BMP1: variants seen among roughly 807,000 people sequenced by gnomAD.
BMP1 encodes bone morphogenetic protein 1.
A neutral mutation model predicts 116.8 loss-of-function variants in BMP1; 63 were observed. That is an observed-to-expected ratio of 0.54 (90% CI 0.44 to 0.67). The LOEUF is 0.67. Among genes scored for constraint, BMP1 ranks in the 30% least tolerant of loss-of-function variants. The pLI, the probability that BMP1 is intolerant of heterozygous loss-of-function variation, is 0.00. For missense variants in BMP1, 1,183 were observed against 1,358.9 expected, an observed-to-expected ratio of 0.87 and a Z score of 2.04; for synonymous variants, 536 against 533.4, an observed-to-expected ratio of 1.00 and a Z score of -0.07.
rs554567171 is a variant in BMP1, at chr8:22,204,994, C to T, written c.2234-1860C>T. ...CATTTGTGGTGTGAGGGTTCCCACG[C>T]GTGGGCAGCAATGAGCTGCACCTCC... On this transcript the variant is annotated intron_variant, in intron 16 of 19. Transcript: ENST00000306385. Among the ~76,000 whole-genome samples, 26 of 152,218 alleles carry T rather than the reference C, an allele frequency of 1.7e-4. No individual in the cohort carries two copies. The East Asian group carries it at 2.9e-3, about 17-fold the overall frequency.
At chr8:22,176,000 G>A in intron 2 of BMP1, 143 bp from the exon 3 acceptor site, 3 of 843,496 alleles carry the variant, frequency 3.6e-6, no homozygotes, top group Non-Finnish European at 3.6e-6. Flanking sequence ...AGCCCTGAGA[G>A]TATTGATTTT....
At chr8:22,168,098 C>G (rs1828168787) in intron 1 of BMP1, among the ~76,000 whole-genome samples, 1 of 152,138 alleles carries the variant, frequency 6.6e-6, no homozygotes, top group South Asian at 2.1e-4. Flanking sequence ...TTCGTTGGAC[C>G]ATTACTGGCC....
At chr8:22,181,854 C>G (rs1160643810) in intron 8 of BMP1, among the ~76,000 whole-genome samples, 4 of 152,144 alleles carry the variant, frequency 2.6e-5, no homozygotes, top group Admixed American at 2.0e-4. Context: ...CGCATCTGGC[C>G]TGTAGCCAGC....
chr8:22,187,755 A>G (rs563650974), intron 8 of BMP1, among the ~76,000 whole-genome samples: 13 of 152,190 alleles, frequency 8.5e-5, no homozygotes, highest in Admixed American at 5.9e-4. Flanking sequence ...AATACCAAAA[A>G]ATCTTAAGCA....
intron 5 of BMP1, among the ~76,000 whole-genome samples, chr8:22,177,388 T>A (rs545940091): frequency 3.8e-4 from 58 of 152,368 alleles, no homozygotes; most frequent in Admixed American, 5.9e-4. Context: ...TGGACAGCGG[T>A]AGCCCGGGCA....
chr8:22,209,396 C>T (rs1307528883), intron 18 of BMP1, 49 bp from the exon 19 acceptor site: 1 of 1,598,254 alleles, frequency 6.3e-7, no homozygotes, highest in East Asian at 2.2e-5. Context: ...GCCATGGGGC[C>T]TGGCACCTGC....
At chr8:22,178,449 C>CT (rs982896427) in intron 6 of BMP1, among the ~76,000 whole-genome samples, 219 of 151,244 alleles carry the variant, frequency 1.4e-3, no homozygotes, top group African/African-American at 4.9e-3. Flanking sequence ...GCCACCGTGC[C>CT]TTTTTTTTTA....
chr8:22,205,562 T>A (rs7825892), intron 16 of BMP1, among the ~76,000 whole-genome samples: 27,591 of 151,806 alleles, frequency 0.18, 2,573 homozygotes, highest in East Asian at 0.23. Flanking sequence ...ATCGCTTGAA[T>A]CCAGGAGTTT....
intron 1 of BMP1, chr8:22,169,400 G>A (rs2131838174): frequency 6.6e-6 from 1 of 152,344 alleles, no homozygotes; most frequent in East Asian, 1.9e-4. Flanking sequence ...TGGGGAGTGT[G>A]GCCTGTGAAA....
chr8:22,189,119 C>A (rs78836332), intron 8 of BMP1, among the ~76,000 whole-genome samples: 1 of 152,090 alleles, frequency 6.6e-6, no homozygotes, highest in East Asian at 1.9e-4. Context: ...TCCCCTTGAC[C>A]CTCCTCCGGA....
intron 13 of BMP1, chr8:22,196,197 G>C: frequency 1.9e-6 from 1 of 523,566 alleles, no homozygotes; most frequent in Non-Finnish European, 3.8e-6. Context: ...ATGATCTACA[G>C]GTTGGGAAAC....
chr8:22,173,858 G>T, intron 2 of BMP1, 143 bp downstream of exon 2: 1 of 545,626 alleles, frequency 1.8e-6, no homozygotes, highest in African/African-American at 1.9e-5. Context: ...ATCTTCCCTC[G>T]GGATATCTTC....
rs1382417278 is a variant in BMP1 at position 22,197,395 on chromosome 8, G to C, written c.2082G>C (p.Lys694Asn). 1.2e-6 allele frequency: 2 copies of C among 1,611,058 alleles called. No homozygotes were observed. The highest frequency in any genetic ancestry group is 1.7e-6 in the Non-Finnish European group (2 of 1,177,468). Residue 694 changes from lysine (K) to asparagine (N), a missense_variant, in exon 15 of 20, where the codon AAG (lysine) becomes AAC (asparagine). Lys to Asn is a moderately conservative substitution (Grantham distance 94, BLOSUM62 0). Coordinates refer to ENST00000306385, the MANE Select transcript of BMP1 (RefSeq NM_006129.5). ...EFKSDNTVSKKGFKAHFFSDK... is the reference protein window; with the variant it reads ...EFKSDNTVSKNGFKAHFFSDK... ...AGTCCGACAACACCGTGTCCAAAAA[G>C]GGCTTCAAGGCCCACTTCTTCTCAG...
chr8:22,196,421 T>C (rs1315729623), intron 13 of BMP1: 1 of 602,426 alleles, frequency 1.7e-6, no homozygotes, highest in Non-Finnish European at 3.0e-6. Flanking sequence ...GACCTTGGCC[T>C]GTTCATTTGC....
chr8:22,208,138 C>T (rs1829398975), intron 18 of BMP1, among the ~76,000 whole-genome samples: 1 of 152,202 alleles, frequency 6.6e-6, no homozygotes, highest in African/African-American at 2.4e-5. Flanking sequence ...CCCGCCTTGG[C>T]CTCCCAAAGT....
At chr8:22,168,523 G>C (rs983346220) in intron 1 of BMP1, among the ~76,000 whole-genome samples, 1 of 152,168 alleles carries the variant, frequency 6.6e-6, no homozygotes, top group African/African-American at 2.4e-5. Context: ...CTGTGCCAGT[G>C]AGGCCCCTGC....
intron 9 of BMP1, among the ~76,000 whole-genome samples, chr8:22,193,189 A>G (rs964751078): frequency 6.6e-6 from 1 of 152,218 alleles, no homozygotes; most frequent in African/African-American, 2.4e-5. Context: ...GGCCGACCTC[A>G]TTCACTTATG....
intron 16 of BMP1, among the ~76,000 whole-genome samples, chr8:22,204,034 G>A (rs1419270832): frequency 6.6e-6 from 1 of 152,232 alleles, no homozygotes; most frequent in Non-Finnish European, 1.5e-5. Flanking sequence ...AGATCTGTAA[G>A]CATTTCCTGA....
chr8:22,190,192 T>C (rs1355127047), intron 8 of BMP1, among the ~76,000 whole-genome samples: 1 of 152,224 alleles, frequency 6.6e-6, no homozygotes, highest in Non-Finnish European at 1.5e-5. Flanking sequence ...CCCAATGTGT[T>C]GGGATTACAG....
Sources: allele counts gnomAD v4.1 joint callset (sites outside exome capture counted in the v4.1 genomes callset), GRCh38; gene constraint gnomAD v4.1.1; transcripts MANE v1.5; gene names NCBI Gene and HGNC (gene_info 2026-07-23, HGNC 2026-07-21).